Variants in KCNH8 observed in about 807,000 individuals in gnomAD.
KCNH8 encodes the protein voltage-gated delayed rectifier potassium channel KCNH8.
A neutral mutation model predicts 103.6 loss-of-function variants in KCNH8; 70 were observed. The ratio of observed to expected loss-of-function variants is 0.68; its 90% CI spans 0.56 to 0.82. The LOEUF is 0.82. Ranked by LOEUF, KCNH8 falls within the 40% of genes least tolerant of loss-of-function variation. The probability of loss-of-function intolerance (pLI) is 0.00; values close to 1 mark genes in which losing one functional copy is unlikely to be tolerated. For synonymous variants in KCNH8, 498 were observed against 489.4 expected (o/e 1.02, Z -0.23); for missense variants, 1,217 against 1,329.9 (o/e 0.92, Z 1.32).
At chr3:19,490,594 C>T (rs1221667421) in intron 11 of KCNH8, among the ~76,000 whole-genome samples, 2 of 152,190 alleles carry the variant, frequency 1.3e-5, no homozygotes, top group East Asian at 1.9e-4. Context: ...GGGTGTGGCA[C>T]CGGGTTGTCT....
At chr3:19,326,109 T>G (rs891282968) in intron 3 of KCNH8, among the ~76,000 whole-genome samples, 11 of 152,026 alleles carry the variant, frequency 7.2e-5, no homozygotes, top group Admixed American at 2.6e-4. Flanking sequence ...TCACATGTTC[T>G]TACTCATAAG....
At chr3:19,524,532 C>T (rs964939075) in intron 15 of KCNH8, among the ~76,000 whole-genome samples, 2 of 151,634 alleles carry the variant, frequency 1.3e-5, no homozygotes, top group African/African-American at 4.8e-5. Flanking sequence ...AGATTTATAA[C>T]TCTCATGAGA....
rs143840086 is a variant in KCNH8, at chr3:19,449,925, C to T, written c.1376-181C>T. Among the ~76,000 whole-genome samples, 676 of 152,134 alleles carry T rather than the reference C, an allele frequency of 4.4e-3. 7 individuals carry two copies. The highest frequency in any genetic ancestry group is 0.015 in the African/African-American group (643 of 41,502). On this transcript the variant is annotated intron_variant, in intron 8 of 15. Coordinates refer to ENST00000328405, the MANE Select transcript of KCNH8 (RefSeq NM_144633.3). ...CCATATGGAATCAAAGTGACTGCTT[C>T]AGGATGTACCCTGTGACACACTGTC... is the stretch of plus-strand genomic sequence containing the variant.
chr3:19,374,730 C>T (rs1487843354), intron 5 of KCNH8, among the ~76,000 whole-genome samples: 1 of 152,116 alleles, frequency 6.6e-6, no homozygotes, highest in Non-Finnish European at 1.5e-5. Flanking sequence ...CATGATTTTG[C>T]AGTGGCTGGT....
intron 1 of KCNH8, among the ~76,000 whole-genome samples, chr3:19,166,199 G>A (rs1449584628): frequency 6.6e-6 from 1 of 152,102 alleles, no homozygotes; most frequent in East Asian, 1.9e-4. Context: ...TTTAAAAAAG[G>A]TTAGACATCT....
rs375524089 is a variant in KCNH8, at chr3:19,253,649, T to C, written c.77-5T>C. 2 of 1,603,852 alleles carry C rather than the reference T, an allele frequency of 1.2e-6. No homozygotes were observed. The highest frequency in any genetic ancestry group is 2.7e-5 in the African/African-American group (2 of 74,558). On this transcript the variant is annotated splice_polypyrimidine_tract_variant and splice_region_variant and intron_variant, in intron 1 of 15. Coordinates refer to ENST00000328405, the MANE Select transcript of KCNH8 (RefSeq NM_144633.3). ...GCTGAGTATCTTCTCCTTGTTTTTC[T>C]ATAGATAGCAACTTCATCCTTGCCA...
chr3:19,434,605 C>G (rs940723654), intron 7 of KCNH8, among the ~76,000 whole-genome samples: 1 of 152,198 alleles, frequency 6.6e-6, no homozygotes, highest in African/African-American at 2.4e-5. Context: ...ACAAAAATCA[C>G]AGTGCTTTTC....
Position 19,485,637 on chromosome 3 carries a change from A to G in KCNH8, c.2041-24726A>G, listed in dbSNP as rs139275528. ...TTACTTGCCCCCTTTCTGCATGGAAAAAGTCTTTTTCTTCCTTAGAATAGG... is the reference window on the plus strand; with the variant it reads ...TTACTTGCCCCCTTTCTGCATGGAAGAAGTCTTTTTCTTCCTTAGAATAGG... On this transcript the variant is annotated intron_variant, in intron 11 of 15. Transcript: ENST00000328405. Among the ~76,000 whole-genome samples, 1,450 of 152,226 alleles carry G rather than the reference A, an allele frequency of 9.5e-3. 31 individuals carry two copies. The highest frequency in any genetic ancestry group is 0.079 in the East Asian group (409 of 5,164).
intron 3 of KCNH8, among the ~76,000 whole-genome samples, chr3:19,331,175 G>A (rs1362795337): frequency 2.0e-5 from 3 of 151,338 alleles, no homozygotes; most frequent in African/African-American, 7.3e-5. Flanking sequence ...GCTTTCTGAC[G>A]TTGGTAACAA....
At chr3:19,505,178 A>T (rs1271104943) in intron 11 of KCNH8, among the ~76,000 whole-genome samples, 1 of 152,030 alleles carries the variant, frequency 6.6e-6, no homozygotes, top group Non-Finnish European at 1.5e-5. Context: ...GCTGGAGGCC[A>T]TTATCCTAAG....
At chr3:19,359,515 C>T (rs1038560980) in intron 5 of KCNH8, among the ~76,000 whole-genome samples, 21 of 151,898 alleles carry the variant, frequency 1.4e-4, no homozygotes, top group African/African-American at 4.6e-4. Flanking sequence ...GATACAATAT[C>T]GTTTAAGTAG....
chr3:19,234,192 C>T lies in KCNH8; in HGVS notation c.77-19462C>T, dbSNP rs372145003. On this transcript the variant is annotated intron_variant, in intron 1 of 15. Coordinates refer to ENST00000328405, the MANE Select transcript of KCNH8 (RefSeq NM_144633.3). Reference sequence around the variant, plus strand: ...CTAGACACAAAGGTTCTCCACGTCCCTACCAGACTCAGGAGCCCAGCTGGC... The same window carrying T: ...CTAGACACAAAGGTTCTCCACGTCCTTACCAGACTCAGGAGCCCAGCTGGC... 9.8e-5 allele frequency among the ~76,000 whole-genome samples: 15 copies of T among 152,364 alleles called. No homozygotes were observed. The East Asian group carries it at 2.7e-3, about 27-fold the overall frequency.
rs968886694 is a variant in KCNH8 at position 19,156,561 on chromosome 3, A to C, written c.76+7766A>C. 7.2e-5 allele frequency among the ~76,000 whole-genome samples: 11 copies of C among 152,184 alleles called. No individual in the cohort carries two copies. In the East Asian group the frequency reaches 1.3e-3, roughly 19 times the overall value. On this transcript the variant is annotated intron_variant, in intron 1 of 15. Transcript: ENST00000328405. ...ATAGGTATTAAAGATTCATAACTGGAACTACTAAATGCATTCACTGTGCAA... is the reference window on the plus strand; with the variant it reads ...ATAGGTATTAAAGATTCATAACTGGCACTACTAAATGCATTCACTGTGCAA...
intron 7 of KCNH8, among the ~76,000 whole-genome samples, chr3:19,431,629 T>G (rs1487889459): frequency 6.6e-6 from 1 of 152,118 alleles, no homozygotes; most frequent in Non-Finnish European, 1.5e-5. Flanking sequence ...TTGTTTGTTT[T>G]GTTTTGTTTT....
At chr3:19,210,439 C>T (rs190615827) in intron 1 of KCNH8, among the ~76,000 whole-genome samples, 3 of 152,198 alleles carry the variant, frequency 2.0e-5, no homozygotes, top group South Asian at 4.1e-4. Context: ...CACAAAACCC[C>T]TACCACCAGG....
chr3:19,399,720 T>C (rs1356130497), intron 7 of KCNH8, among the ~76,000 whole-genome samples: 1 of 151,936 alleles, frequency 6.6e-6, no homozygotes, highest in Non-Finnish European at 1.5e-5. Flanking sequence ...TGAAGCCCTC[T>C]GAAACTCCAG....
intron 7 of KCNH8, among the ~76,000 whole-genome samples, chr3:19,404,641 A>T (rs1274252292): frequency 3.3e-5 from 5 of 151,978 alleles, no homozygotes; most frequent in Non-Finnish European, 2.9e-5. Flanking sequence ...TCACACAAGA[A>T]CTACTGATCT....
intron 3 of KCNH8, among the ~76,000 whole-genome samples, chr3:19,307,690 A>G (rs949561706): frequency 1.3e-5 from 2 of 152,024 alleles, no homozygotes; most frequent in Admixed American, 6.6e-5. Context: ...AACGTGGTAC[A>G]TATACATAAT....
chr3:19,177,120 A>G (rs2063408200), intron 1 of KCNH8, among the ~76,000 whole-genome samples: 1 of 152,144 alleles, frequency 6.6e-6, no homozygotes, highest in Non-Finnish European at 1.5e-5. Flanking sequence ...AATTTAAAAA[A>G]GAAAATTATC....
Sources: gnomAD v4.1 joint callset for allele counts (sites outside exome capture counted in the v4.1 genomes callset) on GRCh38, gnomAD v4.1.1 for gene constraint, MANE v1.5 for transcripts, NCBI Gene and HGNC (gene_info 2026-07-23, HGNC 2026-07-21) for gene names.